The following TAFA4 variants were observed in gnomAD, a reference collection of about 807,000 sequenced individuals.
The protein encoded by TAFA4 is TAFA chemokine like family member 4, also known as chemokine-like protein TAFA-4.
Under a neutral mutation model 21.1 loss-of-function variants are expected in TAFA4, and 20 were observed. The observed-to-expected ratio is 0.95, with a 90% confidence interval of 0.67 to 1.38. TAFA4 has a LOEUF of 1.38. Among genes scored for constraint, TAFA4 ranks in the 40% most tolerant of loss-of-function variants. The pLI is 0.00. For missense variants in TAFA4, 211 were observed against 180.9 expected (o/e 1.17, Z -0.95); for synonymous variants, 71 against 67.4 (o/e 1.05, Z -0.26).
intron 3 of TAFA4, among the ~76,000 whole-genome samples, chr3:68,846,612 AT>A (rs1237117378): frequency 1.3e-5 from 2 of 151,878 alleles, no homozygotes; most frequent in African/African-American, 4.8e-5. Context: ...GGTTTTTGGA[AT>A]TTTCAGCCTT....
intron 3 of TAFA4, among the ~76,000 whole-genome samples, chr3:68,771,873 C>G (rs1702964784): frequency 6.6e-6 from 1 of 152,176 alleles, no homozygotes; most frequent in South Asian, 2.1e-4. Context: ...TTTGTAGTAG[C>G]TGGAATTATG....
intron 3 of TAFA4, among the ~76,000 whole-genome samples, chr3:68,794,898 C>T (rs1210897449): frequency 6.6e-6 from 1 of 150,990 alleles, no homozygotes; most frequent in Non-Finnish European, 1.5e-5. Flanking sequence ...AAAAAAAATA[C>T]AGCTGTTGCA....
At chr3:68,773,416 G>A (rs1702994417) in intron 3 of TAFA4, among the ~76,000 whole-genome samples, 1 of 152,168 alleles carries the variant, frequency 6.6e-6, no homozygotes, top group African/African-American at 2.4e-5. Flanking sequence ...CAATCAGGAA[G>A]TTCCACCAAG....
At position 68,773,181 on chromosome 3, in the gene TAFA4, C is replaced by A. The variant is rs189483014; in HGVS notation, c.131-20163G>T. 4.1e-3 allele frequency among the ~76,000 whole-genome samples: 618 copies of A among 152,312 alleles called. 3 individuals are homozygous for A. Among genetic ancestry groups the A allele is most frequent in the African/African-American group, 0.014 (600 of 41,580 alleles). Reference sequence around the variant, plus strand: ...TTTAGATGTCAGGCCATCTGCACTTCTGACCAACTTGACTACAAATTCAGG... The same window carrying A: ...TTTAGATGTCAGGCCATCTGCACTTATGACCAACTTGACTACAAATTCAGG... On this transcript the variant is annotated intron_variant, in intron 3 of 5. Transcript: ENST00000295569.
intron 3 of TAFA4, among the ~76,000 whole-genome samples, chr3:68,768,383 TGAAAG>T (rs1407246046): frequency 6.6e-6 from 1 of 152,028 alleles, no homozygotes; most frequent in Non-Finnish European, 1.5e-5. Flanking sequence ...ATCAGGGAAA[TGAAAG>T]CCACAATGAG....
rs776281235 is a variant in TAFA4 at position 68,868,577 on chromosome 3, G to A, written c.130+12153C>T. Among the ~76,000 whole-genome samples the A allele has an allele frequency of 7.2e-5, 11 of 151,978 alleles. No homozygotes were observed. The East Asian group carries it at 7.7e-4, about 11-fold the overall frequency. On this transcript the variant is annotated intron_variant, in intron 3 of 5. Coordinates refer to ENST00000295569, the MANE Select transcript of TAFA4 (RefSeq NM_182522.5). Reference sequence around the variant, plus strand: ...TTTTTCTGACCACATTGGAATAAACGTAGAAATCAGTAATAAGAACTTTGG... The same window carrying A: ...TTTTTCTGACCACATTGGAATAAACATAGAAATCAGTAATAAGAACTTTGG...
At chr3:68,902,157 A>C in intron 1 of TAFA4, among the ~76,000 whole-genome samples, 1 of 152,180 alleles carries the variant, frequency 6.6e-6, no homozygotes, top group East Asian at 1.9e-4. Context: ...ACAAAGAAGG[A>C]TATGTGGAGG....
chr3:68,918,140 C>T (rs528100646), intron 1 of TAFA4, among the ~76,000 whole-genome samples: 2 of 149,910 alleles, frequency 1.3e-5, no homozygotes, highest in African/African-American at 5.1e-5. Context: ...CATACACACA[C>T]ACACACACAC....
chr3:68,927,753 C>G (rs1392857911), intron 1 of TAFA4, among the ~76,000 whole-genome samples: 1 of 151,970 alleles, frequency 6.6e-6, no homozygotes, highest in African/African-American at 2.4e-5. Flanking sequence ...AACAAATTAG[C>G]TGGGCGTGAT....
At chr3:68,883,221 T>C (rs1048400159) in intron 2 of TAFA4, 38 of 152,334 alleles carry the variant, frequency 2.5e-4, no homozygotes, top group African/African-American at 8.9e-4. Flanking sequence ...TCTCAGGTTG[T>C]TGGCAAAAGC....
At chr3:68,798,883 T>C (rs1293736502) in intron 3 of TAFA4, among the ~76,000 whole-genome samples, 1 of 152,198 alleles carries the variant, frequency 6.6e-6, no homozygotes, top group Non-Finnish European at 1.5e-5. Flanking sequence ...AAATAAAATA[T>C]GCAAATTTAA....
chr3:68,885,796 G>A (rs1320844194), intron 1 of TAFA4, among the ~76,000 whole-genome samples: 3 of 152,046 alleles, frequency 2.0e-5, no homozygotes, highest in Non-Finnish European at 4.4e-5. Flanking sequence ...GTTGCTTTTT[G>A]AAAAAATATT....
chr3:68,751,712 C>A (rs534535273), intron 4 of TAFA4, among the ~76,000 whole-genome samples: 9 of 152,054 alleles, frequency 5.9e-5, no homozygotes, highest in African/African-American at 9.7e-5. Context: ...CTTTATCCAG[C>A]CTTATCCCAT....
At chr3:68,760,656 A>G (rs1472900968) in intron 3 of TAFA4, among the ~76,000 whole-genome samples, 2 of 152,190 alleles carry the variant, frequency 1.3e-5, no homozygotes, top group Admixed American at 1.3e-4. Flanking sequence ...AGAATAGAGG[A>G]AAGAGAAGGC....
rs146490247 is a variant in TAFA4, at chr3:68,842,623, C to T, written c.130+38107G>A. ...TTAGCCATGAATTCTTTGTCCATGC[C>T]TATGTCCTGAGTAGTATTGCCTAGG... On this transcript the variant is annotated intron_variant, in intron 3 of 5. Transcript: ENST00000295569. Among the ~76,000 whole-genome samples, 564 of 152,236 alleles carry T rather than the reference C, an allele frequency of 3.7e-3. 3 individuals are homozygous for T. The highest frequency in any genetic ancestry group is 0.013 in the African/African-American group (547 of 41,546).
intron 1 of TAFA4, among the ~76,000 whole-genome samples, chr3:68,927,642 T>TA (rs1416099002): frequency 1.2e-4 from 19 of 152,192 alleles, no homozygotes; most frequent in Admixed American, 8.5e-4. Context: ...CTCATGCCTG[T>TA]AGTGTCAACA....
chr3:68,828,469 G>T (rs570191839), intron 3 of TAFA4, among the ~76,000 whole-genome samples: 4 of 152,154 alleles, frequency 2.6e-5, no homozygotes, highest in Non-Finnish European at 5.9e-5. Flanking sequence ...ACCTTGGGCA[G>T]TATGGCCATT....
intron 1 of TAFA4, among the ~76,000 whole-genome samples, chr3:68,908,474 T>A (rs1428769588): frequency 6.6e-6 from 1 of 151,038 alleles, no homozygotes; most frequent in Non-Finnish European, 1.5e-5. Flanking sequence ...GGGAATGACC[T>A]GAAGCTAAGA....
intron 1 of TAFA4, among the ~76,000 whole-genome samples, chr3:68,890,262 G>A (rs2089717140): frequency 6.6e-6 from 1 of 152,162 alleles, no homozygotes; most frequent in Non-Finnish European, 1.5e-5. Flanking sequence ...TAAGCAATTG[G>A]TGAATCGGGG....
Sources: gnomAD v4.1 joint callset for allele counts (sites outside exome capture counted in the v4.1 genomes callset) on GRCh38, gnomAD v4.1.1 for gene constraint, MANE v1.5 for transcripts, NCBI Gene and HGNC (gene_info 2026-07-23, HGNC 2026-07-21) for gene names.